AAK1: variants seen among roughly 807,000 people sequenced by gnomAD.
The protein encoded by AAK1 is AP2-associated protein kinase 1.
A neutral mutation model predicts 116.0 loss-of-function variants in AAK1; 37 were observed. The observed-to-expected ratio is 0.32, with a 90% CI of 0.25 to 0.42. AAK1 has a LOEUF of 0.42. AAK1 is among the 10% of genes least tolerant of loss of function. AAK1 has a pLI of 1.00. For missense variants in AAK1, 919 were observed against 1,170.6 expected (o/e 0.79, Z 3.14); for synonymous variants, 458 against 439.9 (o/e 1.04, Z -0.51).
At chr2:69,560,440 T>G (rs1359751184) in intron 2 of AAK1, among the ~76,000 whole-genome samples, 1 of 152,252 alleles carries the variant, frequency 6.6e-6, no homozygotes, top group Non-Finnish European at 1.5e-5. Context: ...CCTAATGGTT[T>G]GGACAGAGGT....
Position 69,587,262 on chromosome 2 carries a change from C to T in AAK1, c.164-30284G>A, listed in dbSNP as rs557656320. Among the ~76,000 whole-genome samples the T allele has an allele frequency of 2.0e-5, 3 of 148,022 alleles. No individual in the cohort carries two copies. In the East Asian group the frequency reaches 6.1e-4, roughly 30 times the overall value. On this transcript the variant is annotated intron_variant, in intron 2 of 21. Transcript: ENST00000409085. ...ACCATGCTCAGCTTATATATATATA[C>T]ACATGTGTATATATACACACATGTA...
chr2:69,491,911 C>G (rs994864613), intron 17 of AAK1, among the ~76,000 whole-genome samples: 2 of 152,098 alleles, frequency 1.3e-5, no homozygotes, highest in Non-Finnish European at 2.9e-5. Context: ...TTCCCAAAGC[C>G]TTAAATTTAG....
At chr2:69,634,743 A>C (rs1340109487) in intron 2 of AAK1, among the ~76,000 whole-genome samples, 1 of 152,222 alleles carries the variant, frequency 6.6e-6, no homozygotes. Flanking sequence ...TTCTTAACTG[A>C]GTCTTTTCTC....
At chr2:69,587,975 C>A (rs888590030) in intron 2 of AAK1, among the ~76,000 whole-genome samples, 1 of 151,946 alleles carries the variant, frequency 6.6e-6, no homozygotes, top group African/African-American at 2.4e-5. Context: ...GTTGTCCAGG[C>A]TGGTCTTGAA....
chr2:69,518,709 ACCCGG>A (rs1676694530), intron 12 of AAK1, among the ~76,000 whole-genome samples: 2 of 152,058 alleles, frequency 1.3e-5, no homozygotes, highest in African/African-American at 2.4e-5. Flanking sequence ...GAGCCACTGC[ACCCGG>A]CCAAAAAAAT....
chr2:69,485,776 T>G (rs903162084), intron 17 of AAK1, among the ~76,000 whole-genome samples: 1 of 151,638 alleles, frequency 6.6e-6, no homozygotes. Context: ...TTCTCCTGCC[T>G]CAGTCTCCAG....
rs536007779 is a variant in AAK1, at chr2:69,465,741, C to A, written c.*10128G>T. On this transcript the variant is annotated 3_prime_UTR_variant, in exon 22 of 22. Transcript: ENST00000409085. ...ATTAGAATGACCCCCAGATTCCAGGCAGGATCCCCTGGGAGAGATGCTGTC... is the reference window on the plus strand; with the variant it reads ...ATTAGAATGACCCCCAGATTCCAGGAAGGATCCCCTGGGAGAGATGCTGTC... The A allele has an allele frequency of 2.3e-6, 3 of 1,290,898 alleles. No homozygotes were observed. In the South Asian group the frequency reaches 3.7e-5, roughly 16 times the overall value. 80.0% of individuals were successfully genotyped at this position (1,290,898 alleles called of 1,614,324 possible). A position where few individuals can be genotyped will look rare whatever the true frequency, so the allele number is the denominator to read the frequency against.
At chr2:69,629,744 C>A (rs987385874) in intron 2 of AAK1, among the ~76,000 whole-genome samples, 6 of 152,136 alleles carry the variant, frequency 3.9e-5, no homozygotes, top group Non-Finnish European at 5.9e-5. Flanking sequence ...TCTCCAGTAC[C>A]CACTGTTGCC....
intron 13 of AAK1, among the ~76,000 whole-genome samples, chr2:69,510,035 T>C (rs1231557221): frequency 6.6e-6 from 1 of 152,166 alleles, no homozygotes; most frequent in African/African-American, 2.4e-5. Flanking sequence ...TTACTGCTCG[T>C]TTGTTTTGAA....
intron 17 of AAK1, among the ~76,000 whole-genome samples, chr2:69,487,609 G>C (rs1226566117): frequency 1.3e-5 from 2 of 152,112 alleles, no homozygotes; most frequent in South Asian, 4.1e-4. Context: ...AATGTACAAA[G>C]ACTGACACTG....
intron 5 of AAK1, among the ~76,000 whole-genome samples, chr2:69,535,596 C>T (rs555951890): frequency 2.2e-4 from 34 of 152,026 alleles, no homozygotes; most frequent in African/African-American, 4.6e-4. Flanking sequence ...ATAGTATAGT[C>T]GGGGAAGGTC....
At chr2:69,625,475 A>G (rs6750522) in intron 2 of AAK1, among the ~76,000 whole-genome samples, 20,076 of 152,228 alleles carry the variant, frequency 0.13, 3,071 homozygotes, top group African/African-American at 0.36. Flanking sequence ...AAATGCATAT[A>G]TAAAAATTAA....
At chr2:69,576,572 A>G (rs983524543) in intron 2 of AAK1, among the ~76,000 whole-genome samples, 2 of 152,066 alleles carry the variant, frequency 1.3e-5, no homozygotes, top group African/African-American at 4.8e-5. Context: ...TTTAGCTCCC[A>G]CTTACAAGTG....
chr2:69,523,142 T>G (rs1346505691), intron 10 of AAK1, among the ~76,000 whole-genome samples: 2 of 152,312 alleles, frequency 1.3e-5, no homozygotes, highest in South Asian at 2.1e-4. Context: ...AAATATTAGT[T>G]TGTATGGACT....
At chr2:69,486,846 G>C (rs1675318854) in intron 17 of AAK1, among the ~76,000 whole-genome samples, 1 of 152,084 alleles carries the variant, frequency 6.6e-6, no homozygotes, top group Non-Finnish European at 1.5e-5. Flanking sequence ...ATCTGTCTAG[G>C]GGTCTGCCTA....
intron 17 of AAK1, among the ~76,000 whole-genome samples, chr2:69,490,668 TAGAG>T (rs1254624921): frequency 6.6e-6 from 1 of 150,968 alleles, no homozygotes; most frequent in Non-Finnish European, 1.5e-5. Flanking sequence ...GGAGGGGAAA[TAGAG>T]AGTTGTTGTT....
rs548144926 is a variant in AAK1 at position 69,611,487 on chromosome 2, G to A, written c.163+31391C>T. Among the ~76,000 whole-genome samples the A allele has an allele frequency of 6.2e-4, 94 of 152,248 alleles. 1 individual carries two copies. The highest frequency in any genetic ancestry group is 1.9e-3 in the African/African-American group (79 of 41,538). The stretch of plus-strand genomic sequence containing the variant: ...GTTTAGAGTTGGTTTTGAGGCTTTC[G>A]GGCTTGGACTGAGCCACTAATGGCT... On this transcript the variant is annotated intron_variant, in intron 2 of 21. Coordinates refer to ENST00000409085, the MANE Select transcript of AAK1 (RefSeq NM_014911.5).
chr2:69,601,671 T>TAAAAAA (rs60252050), intron 2 of AAK1, among the ~76,000 whole-genome samples: 1 of 144,978 alleles, frequency 6.9e-6, no homozygotes, highest in Non-Finnish European at 1.5e-5. Flanking sequence ...GGTAGTGAGT[T>TAAAAAA]AAAAAAAAAA....
In AAK1 at chr2:69,480,901, C is replaced by A; in HGVS notation, c.2528G>T (p.Arg843Leu). The change falls in exon 19 of 22, where the codon CGC (arginine) becomes CTC (leucine). Residue 843 changes from arginine (R) to leucine (L), a missense_variant. Arg to Leu is a moderately radical substitution (Grantham distance 102). This residue lies in a region of AAK1 where 263 missense variants were observed against 285.5 expected (regional missense o/e 0.92). Transcript: ENST00000409085. ...CACAGATTCCGTCTGAGATGGGAGG[C>A]GCTGGGGAACTGGGGGCTCCAGTCC... ...IPGLEPPVPQ[R>L]LPSQTESVTS... 1.2e-6 allele frequency: 2 copies of A among 1,606,798 alleles called. No individual in the cohort carries two copies. Among genetic ancestry groups the A allele is most frequent in the Non-Finnish European group, 1.7e-6 (2 of 1,177,282 alleles).
Sources: gnomAD v4.1 joint callset for allele counts (sites outside exome capture counted in the v4.1 genomes callset) on GRCh38, gnomAD v4.1.1 for gene constraint, gnomAD v4.1.1 regional missense constraint, MANE v1.5 for transcripts, NCBI Gene and HGNC (gene_info 2026-07-23, HGNC 2026-07-21) for gene names.